LRRTM1: variants seen among roughly 807,000 people sequenced by gnomAD.
LRRTM1 encodes the protein leucine rich repeat transmembrane neuronal 1.
In LRRTM1, 8 loss-of-function variants were observed where a neutral mutation model predicts 37.3. That is an observed-to-expected ratio of 0.21 (90% CI 0.13 to 0.39). The LOEUF (loss-of-function observed/expected upper bound fraction) is 0.39, where lower values mean the gene tolerates loss of function less well. Ranked by LOEUF, LRRTM1 falls within the 10% of genes least tolerant of loss-of-function variation. LRRTM1 has a pLI of 1.00. For synonymous variants in LRRTM1, 326 were observed against 316.8 expected (o/e 1.03, Z -0.31); for missense variants, 557 against 691.0 (o/e 0.81, Z 2.17).
At chr2:80,300,279 GGGGTGTGTGTGTGTGTGTGTGTGTGT>G (rs1342770747), downstream of LRRTM1, among the ~76,000 whole-genome samples, 42 of 128,082 alleles carry the variant, frequency 3.3e-4, no homozygotes, top group South Asian at 5.0e-3. Flanking sequence ...CTGGGGTGTT[GGGGTGTGTGTGTGTGTGTGTGTGTGT>G]GTGTGTGTGT....
rs1032388734 is a variant in LRRTM1, at chr2:80,303,931, G to A, written c.-59-53C>T. The A allele has an allele frequency of 3.1e-6, 4 of 1,290,960 alleles. No individual in the cohort carries two copies. In the African/African-American group the frequency reaches 4.5e-5, roughly 15 times the overall value. The allele number at this position is 1,290,960 out of a possible 1,614,324, so 80.0% of individuals were successfully genotyped here. On this transcript the variant is annotated intron_variant, in intron 1 of 1. Transcript: ENST00000295057. This position sits in a 1 kb window ranked among gnomAD's most constrained non-coding sequence, Gnocchi z 7.7. ...GGAAGCGGGGGAGGGGGAGAAAAGG[G>A]CAAAAAATCAAATAAATACATAGAA...
exon 3 of LRRTM1, chr2:80,288,765 G>A (rs980688426): frequency 6.6e-6 from 1 of 152,084 alleles, no homozygotes; most frequent in Non-Finnish European, 1.5e-5. Flanking sequence ...CAAAGAGCTG[G>A]GCCTGGTAGA....
chr2:80,302,763 C>G lies in LRRTM1; in HGVS notation c.1057G>C (p.Val353Leu), dbSNP rs975392735. ...ASPEYAQGED[V>L]LDAVYAFHLC... ...TGGAAGGCGTACACGGCGTCCAGGA[C>G]GTCCTCGCCCTGTGCGTACTCCGGG... Residue 353 changes from valine to leucine, a missense_variant, in exon 2 of 2, where the codon GTC becomes CTC. This residue lies in a region of LRRTM1 where 200 missense variants were observed against 249.9 expected (regional missense o/e 0.80). Transcript: ENST00000295057. The surrounding 1 kb of genome is among the most constrained non-coding windows in gnomAD (Gnocchi z 6.4). 1 of 1,613,118 alleles carries G rather than the reference C, an allele frequency of 6.2e-7. No homozygotes were observed. The highest frequency in any genetic ancestry group is 2.2e-5 in the East Asian group (1 of 44,844).
downstream of LRRTM1, chr2:80,299,407 A>T (rs1194432114): frequency 6.6e-6 from 1 of 151,814 alleles, no homozygotes; most frequent in Non-Finnish European, 1.5e-5. Flanking sequence ...GCACAGGGGC[A>T]TGAAATGATG....
At chr2:80,300,192 G>A (rs767244619), downstream of LRRTM1, among the ~76,000 whole-genome samples, 81 of 151,966 alleles carry the variant, frequency 5.3e-4, no homozygotes, top group Non-Finnish European at 9.4e-4. Context: ...TGGGTGTCAT[G>A]TGCATGATGT....
At chr2:80,299,558 C>T (rs1224775429), downstream of LRRTM1, 8 of 152,196 alleles carry the variant, frequency 5.3e-5, no homozygotes, top group Non-Finnish European at 7.3e-5. Context: ...ATTGCAGATT[C>T]CTCTTTCCAA....
intron 2 of LRRTM1, chr2:80,289,339 T>TA (rs1480714983): frequency 6.6e-6 from 1 of 152,222 alleles, no homozygotes; most frequent in African/African-American, 2.4e-5. Flanking sequence ...GAGAGGGTGC[T>TA]ATTCTTCATC....
intron 1 of LRRTM1, 28 bp downstream of exon 1, chr2:80,304,124 G>T (rs1237486382): frequency 6.4e-6 from 2 of 310,148 alleles, no homozygotes; most frequent in Non-Finnish European, 1.2e-5. Flanking sequence ...CTTCGGGAAA[G>T]AATTTAATTA....
intron 2 of LRRTM1, among the ~76,000 whole-genome samples, chr2:80,291,686 T>A (rs1675263565): frequency 6.6e-6 from 1 of 152,190 alleles, no homozygotes; most frequent in East Asian, 1.9e-4. Flanking sequence ...GCAAGCTGGG[T>A]AGCAGTTTTT....
Position 80,303,978 on chromosome 2 carries a change from C to A in LRRTM1, c.-59-100G>T. ...AGAAATAAAGAAGGACCCCCCTCCCCAAAAACCACACGTTCACCTCTAAGC... is the reference window on the plus strand; with the variant it reads ...AGAAATAAAGAAGGACCCCCCTCCCAAAAAACCACACGTTCACCTCTAAGC... On this transcript the variant is annotated intron_variant, in intron 1 of 1. Coordinates refer to ENST00000295057, the MANE Select transcript of LRRTM1 (RefSeq NM_178839.5). The surrounding 1 kb of genome is among the most constrained non-coding windows in gnomAD (Gnocchi z 7.7). 1.3e-6 allele frequency: 1 copy of A among 794,790 alleles called. No homozygotes were observed. Among genetic ancestry groups the A allele is most frequent in the Non-Finnish European group, 1.9e-6 (1 of 539,018 alleles). 49.2% of individuals were successfully genotyped at this position (794,790 alleles called of 1,614,324 possible).
intron 2 of LRRTM1, among the ~76,000 whole-genome samples, chr2:80,295,431 C>T (rs1009319993): frequency 1.3e-5 from 2 of 152,296 alleles, no homozygotes; most frequent in Admixed American, 6.5e-5. Context: ...CTCTCTGAAG[C>T]CCCTGACTCT....
chr2:80,296,026 C>T (rs955622812), intron 2 of LRRTM1, among the ~76,000 whole-genome samples: 5 of 152,060 alleles, frequency 3.3e-5, no homozygotes, highest in African/African-American at 1.2e-4. Context: ...AGACTGAGCA[C>T]ATTGATTTTT....
At chr2:80,291,350 A>T (rs1367709415) in intron 2 of LRRTM1, among the ~76,000 whole-genome samples, 1 of 152,204 alleles carries the variant, frequency 6.6e-6, no homozygotes, top group Admixed American at 6.5e-5. Context: ...ACCACTACAG[A>T]CCTAAGAAAG....
downstream of LRRTM1, among the ~76,000 whole-genome samples, chr2:80,297,269 A>G (rs1306035784): frequency 6.6e-6 from 1 of 152,222 alleles, no homozygotes; most frequent in East Asian, 1.9e-4. Context: ...CAAGGAATAA[A>G]GAAACAGTGT....
At chr2:80,293,358 G>A (rs1488180506) in intron 2 of LRRTM1, among the ~76,000 whole-genome samples, 1 of 152,192 alleles carries the variant, frequency 6.6e-6, no homozygotes, top group Non-Finnish European at 1.5e-5. Flanking sequence ...CACATAGTTT[G>A]CAATATTGAG....
intron 2 of LRRTM1, among the ~76,000 whole-genome samples, chr2:80,291,974 G>C (rs189907767): frequency 6.6e-6 from 1 of 152,206 alleles, no homozygotes; most frequent in Non-Finnish European, 1.5e-5. Context: ...GCCATGTGTA[G>C]TCTTTGCAAC....
intron 2 of LRRTM1, among the ~76,000 whole-genome samples, chr2:80,290,004 C>T (rs781461319): frequency 1.2e-4 from 18 of 152,150 alleles, no homozygotes; most frequent in Non-Finnish European, 2.2e-4. Flanking sequence ...CTTGGGTTCT[C>T]ATCACTCTCC....
intron 2 of LRRTM1, among the ~76,000 whole-genome samples, chr2:80,294,215 G>T (rs1230906461): frequency 6.6e-6 from 1 of 152,178 alleles, no homozygotes. Context: ...GAGTCTTCTT[G>T]CCTTAAAAAT....
intron 2 of LRRTM1, among the ~76,000 whole-genome samples, chr2:80,296,127 G>A (rs1411114123): frequency 6.6e-6 from 1 of 152,044 alleles, no homozygotes; most frequent in Non-Finnish European, 1.5e-5. Context: ...TTTTGATAGA[G>A]GCATGCAATG....
Sources: allele counts gnomAD v4.1 joint callset (sites outside exome capture counted in the v4.1 genomes callset), GRCh38; gene constraint gnomAD v4.1.1; regional missense constraint gnomAD v4.1.1; non-coding constraint Gnocchi (gnomAD v3.1); transcripts MANE v1.5; gene names NCBI Gene and HGNC (gene_info 2026-07-23, HGNC 2026-07-21).